MAP3K21: variants seen among roughly 807,000 people sequenced by gnomAD.
The protein encoded by MAP3K21 is mitogen-activated protein kinase kinase kinase 21, also known as mitogen-activated protein kinase kinase kinase MLK4.
MAP3K21 carries 63 observed loss-of-function variants against 86.1 expected under a neutral mutation model. That is an observed-to-expected ratio of 0.73 (90% CI 0.60 to 0.90). The LOEUF (loss-of-function observed/expected upper bound fraction) is 0.90. Ranked by LOEUF, MAP3K21 falls within the 40% of genes least tolerant of loss-of-function variation. The pLI, the probability that MAP3K21 is intolerant of heterozygous loss-of-function variation, is 0.00. For synonymous variants in MAP3K21, 558 were observed against 564.8 expected (o/e 0.99, Z 0.17); for missense variants, 1,220 against 1,367.7 (o/e 0.89, Z 1.70).
chr1:233,342,859 T>A (rs922558759), intron 1 of MAP3K21, among the ~76,000 whole-genome samples: 8 of 152,184 alleles, frequency 5.3e-5, no homozygotes, highest in African/African-American at 1.9e-4. Context: ...AATGGTAGCA[T>A]GTTGGCCTTA....
At chr1:233,366,427 G>A (rs1663575121) in intron 5 of MAP3K21, among the ~76,000 whole-genome samples, 1 of 152,126 alleles carries the variant, frequency 6.6e-6, no homozygotes, top group South Asian at 2.1e-4. Flanking sequence ...ATTATATATT[G>A]TAAACAAGTA....
chr1:233,353,408 G>C (rs1318391062), intron 2 of MAP3K21, among the ~76,000 whole-genome samples: 1 of 152,104 alleles, frequency 6.6e-6, no homozygotes, highest in Non-Finnish European at 1.5e-5. Context: ...GTGCTCTTTG[G>C]TGTCCTAATA....
rs553106334 is a variant in MAP3K21, at chr1:233,342,097, T to C, written c.806-4345T>C. Among the ~76,000 whole-genome samples, 95 of 152,352 alleles carry C rather than the reference T, an allele frequency of 6.2e-4. No homozygotes were observed. The South Asian group carries it at 0.015, about 24-fold the overall frequency. ...ATCTAAATCTCTTTTTCTGTAGGTA[T>C]TTATTTTTCTTTATATTCATAGGGA... On this transcript the variant is annotated intron_variant, in intron 1 of 9. Transcript: ENST00000366624.
chr1:233,354,093 G>T, intron 3 of MAP3K21, 138 bp downstream of exon 3: 1 of 1,050,796 alleles, frequency 9.5e-7, no homozygotes, highest in South Asian at 3.1e-5. Context: ...TTTAAGAATT[G>T]GAAACCTAGT....
rs983185864 is a variant in MAP3K21 at position 233,383,494 on chromosome 1, G to A, written c.*783G>A. 1 of 151,954 alleles carries A rather than the reference G, an allele frequency of 6.6e-6. No homozygotes were observed. The highest frequency in any genetic ancestry group is 1.5e-5 in the Non-Finnish European group (1 of 67,966). 9.4% of individuals were successfully genotyped at this position (151,954 alleles called of 1,614,324 possible). The stretch of plus-strand genomic sequence containing the variant: ...ACTGAGACCACATGGTGTGCCCCTT[G>A]AGTGAGGCTAATCTTTAGGTTTTTC... On this transcript the variant is annotated 3_prime_UTR_variant, in exon 10 of 10. Transcript: ENST00000366624.
rs1245136415 is a variant in MAP3K21, at chr1:233,340,822, T to C, written c.806-5620T>C. 2.0e-5 allele frequency among the ~76,000 whole-genome samples: 3 copies of C among 152,220 alleles called. No homozygotes were observed. The East Asian group carries it at 5.8e-4, about 29-fold the overall frequency. ...TGCTTTTCTCAACTTGTTTTCTTGC[T>C]TATGACTTTTTTTGGATAATACATT... On this transcript the variant is annotated intron_variant, in intron 1 of 9. Transcript: ENST00000366624.
Position 233,382,569 on chromosome 1 carries a change from A to G in MAP3K21, c.2969A>G (p.Glu990Gly). The change falls in exon 10 of 10, where the codon GAG becomes GGG. Residue 990 changes from glutamate to glycine, a missense_variant. Transcript: ENST00000366624. ...PHPTQFLAAK[E>G]RTKSHVPSLL... is the part of the protein sequence containing the mutation. ...CCCACCCAATTCCTCGCTGCCAAGG[A>G]GAGAACTAAATCCCATGTGCCTTCA... The G allele has an allele frequency of 6.2e-7, 1 of 1,614,210 alleles. No homozygotes were observed. Among genetic ancestry groups the G allele is most frequent in the African/African-American group, 1.3e-5 (1 of 75,056 alleles).
intron 2 of MAP3K21, among the ~76,000 whole-genome samples, chr1:233,347,909 G>C (rs1248450995): frequency 6.6e-6 from 1 of 152,034 alleles, no homozygotes; most frequent in East Asian, 1.9e-4. Context: ...ATTTAAAAAA[G>C]GATAGATGTA....
At chr1:233,335,603 A>G (rs1291262071) in intron 1 of MAP3K21, among the ~76,000 whole-genome samples, 1 of 152,096 alleles carries the variant, frequency 6.6e-6, no homozygotes, top group Non-Finnish European at 1.5e-5. Flanking sequence ...GGGGAGTGCT[A>G]AGAATTAAAT....
At chr1:233,346,370 A>G in intron 1 of MAP3K21, 72 bp from the exon 2 acceptor site, 2 of 1,208,564 alleles carry the variant, frequency 1.7e-6, no homozygotes, top group South Asian at 1.4e-5. Context: ...ATTGTGTTTT[A>G]CATGCCACAG....
At position 233,328,634 on chromosome 1, in the gene MAP3K21, C is replaced by T. The variant is rs1162387060; in HGVS notation, c.606C>T (p.Phe202=). ...CGCACCTCTGCCTGGTGCTGGAGTT[C>T]GCCCGCGGCGGAGCGCTCAACCGAG... ...QQPHLCLVLE[F]ARGGALNRAL... is the part of the protein sequence containing the mutation. Residue 202 remains phenylalanine, a synonymous_variant, in exon 1 of 10, where the codon TTC becomes TTT. Coordinates refer to ENST00000366624, the MANE Select transcript of MAP3K21 (RefSeq NM_032435.3). This position sits in a 1 kb window ranked among gnomAD's most constrained non-coding sequence, Gnocchi z 8.7. The T allele has an allele frequency of 6.9e-7, 1 of 1,451,422 alleles. No individual in the cohort carries two copies. The allele number at this position is 1,451,422 out of a possible 1,614,324, so 89.9% of individuals were successfully genotyped here. A position where few individuals can be genotyped will look rare whatever the true frequency, so the allele number is the denominator to read the frequency against.
At chr1:233,377,726 T>C (rs1663826665) in intron 8 of MAP3K21, among the ~76,000 whole-genome samples, 1 of 152,190 alleles carries the variant, frequency 6.6e-6, no homozygotes, top group Non-Finnish European at 1.5e-5. Flanking sequence ...TGTTGTGCAC[T>C]TTATTATTAT....
chr1:233,358,134 C>G (rs1230806995), intron 4 of MAP3K21, among the ~76,000 whole-genome samples: 2 of 151,578 alleles, frequency 1.3e-5, no homozygotes, highest in African/African-American at 4.9e-5. Flanking sequence ...TACTCTGTAC[C>G]TCCTCATCAT....
At chr1:233,338,635 C>T (rs938912433) in intron 1 of MAP3K21, among the ~76,000 whole-genome samples, 10 of 152,048 alleles carry the variant, frequency 6.6e-5, no homozygotes, top group African/African-American at 2.4e-4. Flanking sequence ...TTACAGAGAA[C>T]AGAAATTGCA....
chr1:233,372,188 T>C (rs1385008696), intron 6 of MAP3K21, 28 bp downstream of exon 6: 1 of 1,611,378 alleles, frequency 6.2e-7, no homozygotes, highest in Non-Finnish European at 8.5e-7. Context: ...CCACGGGGGC[T>C]CCTGTGTTGA....
intron 6 of MAP3K21, among the ~76,000 whole-genome samples, chr1:233,375,098 T>A (rs778377309): frequency 2.8e-4 from 43 of 151,948 alleles, no homozygotes; most frequent in Non-Finnish European, 4.6e-4. Flanking sequence ...CCCGCCACCA[T>A]GCCCAGTTAA....
chr1:233,357,903 T>C (rs973716429), intron 4 of MAP3K21, among the ~76,000 whole-genome samples: 1 of 152,092 alleles, frequency 6.6e-6, no homozygotes, highest in African/African-American at 2.4e-5. Flanking sequence ...GACAGAGAAA[T>C]AGACTGCTTG....
chr1:233,350,122 T>G (rs1464001913), intron 2 of MAP3K21, among the ~76,000 whole-genome samples: 1 of 152,204 alleles, frequency 6.6e-6, no homozygotes, highest in Non-Finnish European at 1.5e-5. Flanking sequence ...ATATAGCCTG[T>G]GCACATCCTC....
chr1:233,334,531 A>C (rs1453688276), intron 1 of MAP3K21, among the ~76,000 whole-genome samples: 3 of 152,192 alleles, frequency 2.0e-5, no homozygotes, highest in Non-Finnish European at 4.4e-5. Flanking sequence ...TGGCATAAAA[A>C]CATATGGCTT....
Sources: gnomAD v4.1 joint callset for allele counts (sites outside exome capture counted in the v4.1 genomes callset) on GRCh38, gnomAD v4.1.1 for gene constraint, Gnocchi (gnomAD v3.1) non-coding constraint, MANE v1.5 for transcripts, NCBI Gene and HGNC (gene_info 2026-07-23, HGNC 2026-07-21) for gene names.